The following GRAMD1C variants were observed in gnomAD, a reference collection of about 807,000 sequenced individuals.
The protein encoded by GRAMD1C is GRAM domain containing 1C.
Under a neutral mutation model 97.8 loss-of-function variants are expected in GRAMD1C, and 89 were observed. That is an observed-to-expected ratio of 0.91 (90% CI 0.77 to 1.09). GRAMD1C has a LOEUF of 1.09. GRAMD1C is among the 50% of genes least tolerant of loss of function. The pLI, the probability that GRAMD1C is intolerant of heterozygous loss-of-function variation, is 0.00. For synonymous variants in GRAMD1C, 256 were observed against 267.0 expected, an observed-to-expected ratio of 0.96 and a Z score of 0.40; for missense variants, 740 against 766.4, an observed-to-expected ratio of 0.97 and a Z score of 0.41.
At chr3:113,874,462 C>T (rs1934949651) in intron 3 of GRAMD1C, among the ~76,000 whole-genome samples, 1 of 151,996 alleles carries the variant, frequency 6.6e-6, no homozygotes, top group African/African-American at 2.4e-5. Context: ...GATTCTCCCA[C>T]CTCAGCCTCC....
intron 7 of GRAMD1C, among the ~76,000 whole-genome samples, chr3:113,903,078 C>T (rs1936236211): frequency 6.6e-6 from 1 of 151,972 alleles, no homozygotes; most frequent in Non-Finnish European, 1.5e-5. Context: ...GAGTCTTCTG[C>T]CTCAGCCTCC....
At chr3:113,865,260 T>C (rs1934540835) in intron 2 of GRAMD1C, among the ~76,000 whole-genome samples, 1 of 152,094 alleles carries the variant, frequency 6.6e-6, no homozygotes, top group Non-Finnish European at 1.5e-5. Context: ...TCCAAACACC[T>C]CTTAAAGTTC....
intron 6 of GRAMD1C, among the ~76,000 whole-genome samples, chr3:113,887,708 CA>C (rs1156243184): frequency 4.0e-3 from 189 of 47,550 alleles, no homozygotes; most frequent in African/African-American, 7.4e-3. Context: ...ACTCCGTCTC[CA>C]AAAAAAAAAA....
chr3:113,838,935 A>G lies in GRAMD1C; in HGVS notation c.26A>G (p.Gln9Arg), dbSNP rs777034935. MEGAPTVRQVMNEGDSSLA... is the reference protein window; with the variant it reads MEGAPTVRRVMNEGDSSLA... ...ATGGAGGGCGCTCCGACTGTCCGTC[A>G]GGTAAGCCGCGGGCCTCGCTGGGGC... Residue 9 changes from glutamine (Q) to arginine (R), a missense_variant and splice_region_variant, in exon 1 of 18, where the codon CAG (glutamine) becomes CGG (arginine). By Grantham distance (43) the Gln-to-Arg change is conservative. Coordinates refer to ENST00000358160, the MANE Select transcript of GRAMD1C (RefSeq NM_017577.5). 1 of 1,096,788 alleles carries G rather than the reference A, an allele frequency of 9.1e-7. No homozygotes were observed. The highest frequency in any genetic ancestry group is 1.1e-6 in the Non-Finnish European group (1 of 923,138). 67.9% of individuals were successfully genotyped at this position (1,096,788 alleles called of 1,614,324 possible).
intron 2 of GRAMD1C, among the ~76,000 whole-genome samples, chr3:113,856,539 G>A (rs896940777): frequency 6.6e-6 from 1 of 151,780 alleles, no homozygotes; most frequent in African/African-American, 2.4e-5. Flanking sequence ...ATGTATGTAT[G>A]TATGTATTTA....
intron 8 of GRAMD1C, among the ~76,000 whole-genome samples, chr3:113,905,845 G>A (rs573897956): frequency 1.6e-3 from 250 of 152,182 alleles, no homozygotes; most frequent in African/African-American, 5.6e-3. Flanking sequence ...ACAGGCATCC[G>A]CCACTATGCC....
chr3:113,840,848 T>C (rs995134329), intron 1 of GRAMD1C, among the ~76,000 whole-genome samples: 23 of 152,230 alleles, frequency 1.5e-4, no homozygotes, highest in Non-Finnish European at 2.6e-4. Context: ...GTCAAAAGAC[T>C]GTCCTCAGGG....
At chr3:113,943,297 A>G (rs1937894100) in intron 17 of GRAMD1C, among the ~76,000 whole-genome samples, 1 of 152,248 alleles carries the variant, frequency 6.6e-6, no homozygotes, top group South Asian at 2.1e-4. Flanking sequence ...TAATGTATCT[A>G]ATCTTGCTTT....
intron 5 of GRAMD1C, among the ~76,000 whole-genome samples, chr3:113,878,071 C>T (rs1218338068): frequency 3.9e-5 from 6 of 152,110 alleles, no homozygotes; most frequent in Admixed American, 6.5e-5. Context: ...TGAGCCACTG[C>T]GCCCAGCCTG....
chr3:113,862,563 C>T (rs917926472), intron 2 of GRAMD1C, among the ~76,000 whole-genome samples: 7 of 152,078 alleles, frequency 4.6e-5, no homozygotes, highest in African/African-American at 1.4e-4. Context: ...ACATGCTCTA[C>T]GAATAATTTG....
intron 2 of GRAMD1C, among the ~76,000 whole-genome samples, chr3:113,857,665 C>G (rs1446220046): frequency 6.6e-6 from 1 of 152,090 alleles, no homozygotes; most frequent in Non-Finnish European, 1.5e-5. Flanking sequence ...CATGAGCCAC[C>G]GTGTCCAGCC....
intron 8 of GRAMD1C, 60 bp downstream of exon 8, chr3:113,904,332 C>A: frequency 1.7e-6 from 2 of 1,151,266 alleles, no homozygotes; most frequent in Admixed American, 1.9e-5. Flanking sequence ...AATCAGAATA[C>A]AAGATAAATA....
rs774647777 is a variant in GRAMD1C, at chr3:113,908,996, C to G, written c.828C>G (p.Thr276=). 1 of 1,575,582 alleles carries G rather than the reference C, an allele frequency of 6.3e-7. No homozygotes were observed. Among genetic ancestry groups the G allele is most frequent in the South Asian group, 1.2e-5 (1 of 84,026 alleles). ...AGGAGTCCCAAAATGAGAAACAGAC[C>G]AAAAAGAGTCTCTTACCAACTTTGG... ...GKEESQNEKQ[T]KKSLLPTLEK... Residue 276 remains threonine (T), a synonymous_variant, in exon 9 of 18, where the codon ACC becomes ACG. Transcript: ENST00000358160.
chr3:113,937,945 C>T (rs920974480), intron 14 of GRAMD1C, 141 bp from the exon 15 acceptor site: 38 of 515,612 alleles, frequency 7.4e-5, no homozygotes, highest in Admixed American at 3.5e-4. Context: ...GCAGAGGTTG[C>T]GGTGAGCTGA....
rs574433039 is a variant in GRAMD1C, at chr3:113,937,911, A to G, written c.1634-175A>G. 3.7e-4 allele frequency among the ~76,000 whole-genome samples: 56 copies of G among 151,826 alleles called. 1 individual carries two copies. In the South Asian group the frequency reaches 0.011, roughly 30 times the overall value. ...TCCCAGCTTCTCAGGAGGCTGAGGC[A>G]GGAAAATTGCTTGAACCTGGGAGGC... On this transcript the variant is annotated intron_variant, in intron 14 of 17. Coordinates refer to ENST00000358160, the MANE Select transcript of GRAMD1C (RefSeq NM_017577.5).
intron 5 of GRAMD1C, among the ~76,000 whole-genome samples, chr3:113,877,104 C>G (rs1935076842): frequency 6.6e-6 from 1 of 152,118 alleles, no homozygotes; most frequent in Non-Finnish European, 1.5e-5. Context: ...ACCTTAGCTT[C>G]CCAAGTAGCT....
chr3:113,828,403 C>T (rs1709514798), intron 1 of GRAMD1C: 4 of 152,208 alleles, frequency 2.6e-5, no homozygotes, highest in Admixed American at 1.3e-4. Flanking sequence ...CTGAGCTGCT[C>T]CAGGTTCCTG....
chr3:113,866,598 T>C (rs1934595918), intron 2 of GRAMD1C, among the ~76,000 whole-genome samples: 1 of 152,216 alleles, frequency 6.6e-6, no homozygotes, highest in African/African-American at 2.4e-5. Flanking sequence ...TACCTTTTGT[T>C]CTTCTGTTCC....
At chr3:113,832,480 T>C (rs1482171895) in intron 1 of GRAMD1C, among the ~76,000 whole-genome samples, 1 of 152,202 alleles carries the variant, frequency 6.6e-6, no homozygotes, top group Non-Finnish European at 1.5e-5. Context: ...AACCATTTTA[T>C]CCATTTCAAG....
Sources: allele counts gnomAD v4.1 joint callset (sites outside exome capture counted in the v4.1 genomes callset), GRCh38; gene constraint gnomAD v4.1.1; transcripts MANE v1.5; gene names NCBI Gene and HGNC (gene_info 2026-07-23, HGNC 2026-07-21).